RAI14: variants seen among roughly 807,000 people sequenced by gnomAD.
The protein encoded by RAI14 is ankycorbin.
Under a neutral mutation model 115.4 loss-of-function variants are expected in RAI14, and 45 were observed. The ratio of observed to expected loss-of-function variants is 0.39; its 90% CI spans 0.31 to 0.50. The LOEUF (loss-of-function observed/expected upper bound fraction) is 0.50. Among genes scored for constraint, RAI14 ranks in the 20% least tolerant of loss-of-function variants. The pLI, the probability that RAI14 is intolerant of heterozygous loss-of-function variation, is 0.85. For missense variants in RAI14, 939 were observed against 1,131.2 expected, an observed-to-expected ratio of 0.83 and a Z score of 2.44; for synonymous variants, 371 against 415.4, an observed-to-expected ratio of 0.89 and a Z score of 1.30.
At chr5:34,734,341 T>C (rs1580072088) in intron 2 of RAI14, among the ~76,000 whole-genome samples, 1 of 152,324 alleles carries the variant, frequency 6.6e-6, no homozygotes, top group East Asian at 1.9e-4. Context: ...TCTAGGAAGC[T>C]GGTATTAGCA....
rs748984859 is a variant in RAI14, at chr5:34,766,374, T to C, written c.167+8776T>C. On this transcript the variant is annotated intron_variant, in intron 3 of 17. Transcript: ENST00000265109. ...CACTGCAAAGCCACAGGGGCGGAGCTGCACAAGACCATGGGAGCCCACCTC... is the reference window on the plus strand; with the variant it reads ...CACTGCAAAGCCACAGGGGCGGAGCCGCACAAGACCATGGGAGCCCACCTC... Among the ~76,000 whole-genome samples, 58 of 152,276 alleles carry C rather than the reference T, an allele frequency of 3.8e-4. 1 individual carries two copies. The highest frequency in any genetic ancestry group is 1.0e-3 in the South Asian group (5 of 4,820).
At chr5:34,829,941 C>T in intron 17 of RAI14, 144 bp downstream of exon 17, 3 of 675,244 alleles carry the variant, frequency 4.4e-6, no homozygotes, top group South Asian at 2.1e-5. Flanking sequence ...ATGCCTTTTG[C>T]ATTGCTTTGG....
At chr5:34,781,774 C>G (rs1751679110) in intron 3 of RAI14, among the ~76,000 whole-genome samples, 2 of 152,198 alleles carry the variant, frequency 1.3e-5, no homozygotes, top group Non-Finnish European at 2.9e-5. Context: ...TGTGTCTACA[C>G]TTGCTGAGAC....
intron 3 of RAI14, among the ~76,000 whole-genome samples, chr5:34,768,441 A>G (rs1033235009): frequency 3.9e-5 from 6 of 152,296 alleles, no homozygotes; most frequent in South Asian, 2.1e-4. Flanking sequence ...GATCTCGTCA[A>G]TTTCCATCAG....
At chr5:34,756,344 T>C (rs1747873310) in intron 2 of RAI14, among the ~76,000 whole-genome samples, 1 of 152,172 alleles carries the variant, frequency 6.6e-6, no homozygotes, top group Non-Finnish European at 1.5e-5. Flanking sequence ...ATCGTAAAGC[T>C]GTTAATACGA....
chr5:34,696,476 A>C (rs1739251142), intron 2 of RAI14, among the ~76,000 whole-genome samples: 1 of 152,182 alleles, frequency 6.6e-6, no homozygotes, highest in Admixed American at 6.5e-5. Flanking sequence ...AAGGTGCACA[A>C]ATCATTGCCC....
chr5:34,665,178 C>CATATATGTATATAT lies in RAI14; in HGVS notation c.-49+8709_-49+8710insGTATATATATATAT, dbSNP rs1554037638. ...GTGTGTGTATATATATATATACACA[C>CATATATGTATATAT]ATATATATATGTATATATATACACA... On this transcript the variant is annotated intron_variant, in intron 1 of 17. Transcript: ENST00000265109. Among the ~76,000 whole-genome samples, 17 of 7,080 alleles carry CATATATGTATATAT rather than the reference C, an allele frequency of 2.4e-3. 2 individuals are homozygous for CATATATGTATATAT. The highest frequency in any genetic ancestry group is 0.062 in the Middle Eastern group (1 of 16). The allele number at this position is 7,080 out of a possible 152,430, so 4.6% of individuals were successfully genotyped here. A position where few individuals can be genotyped will look rare whatever the true frequency, so the allele number is the denominator to read the frequency against.
intron 2 of RAI14, among the ~76,000 whole-genome samples, chr5:34,731,599 T>G (rs1744188387): frequency 6.6e-6 from 1 of 152,180 alleles, no homozygotes; most frequent in Non-Finnish European, 1.5e-5. Context: ...TTTTTCTGTT[T>G]CCCAGTTCCT....
chr5:34,699,101 ATGAAAGGTGAGATCTCTT>A (rs945226038), intron 2 of RAI14, among the ~76,000 whole-genome samples: 10 of 152,228 alleles, frequency 6.6e-5, no homozygotes, highest in African/African-American at 2.2e-4. Context: ...ACTAGAAAAC[ATGAAAGGTGAGATCTCTT>A]TGATTAAACA....
At chr5:34,796,830 A>C (rs1753596814) in intron 4 of RAI14, among the ~76,000 whole-genome samples, 1 of 152,122 alleles carries the variant, frequency 6.6e-6, no homozygotes, top group Non-Finnish European at 1.5e-5. Context: ...ACACACACAC[A>C]CAAACACACA....
chr5:34,730,868 A>T (rs1457893993), intron 2 of RAI14, among the ~76,000 whole-genome samples: 2 of 152,184 alleles, frequency 1.3e-5, no homozygotes, highest in Non-Finnish European at 2.9e-5. Context: ...CTGTAATCCC[A>T]GCTACTCTGG....
intron 7 of RAI14, 41 bp from the exon 8 acceptor site, chr5:34,810,971 T>G: frequency 6.2e-7 from 1 of 1,608,628 alleles, no homozygotes; most frequent in Non-Finnish European, 8.5e-7. Flanking sequence ...TTCTGGCATT[T>G]TGTGCCTGAG....
At chr5:34,807,726 C>T (rs973768062) in intron 5 of RAI14, 74 bp from the exon 6 acceptor site, 8 of 1,148,380 alleles carry the variant, frequency 7.0e-6, no homozygotes, top group Admixed American at 3.4e-5. Context: ...TCATACCTTG[C>T]AGGAAAAGTC....
At chr5:34,800,902 A>G (rs1404624564) in intron 4 of RAI14, among the ~76,000 whole-genome samples, 1 of 152,210 alleles carries the variant, frequency 6.6e-6, no homozygotes, top group Non-Finnish European at 1.5e-5. Context: ...AACGGTCTCC[A>G]TCTTACAATC....
chr5:34,782,784 G>C (rs147112726), intron 3 of RAI14, among the ~76,000 whole-genome samples: 1 of 152,098 alleles, frequency 6.6e-6, no homozygotes, highest in South Asian at 2.1e-4. Context: ...GTTCAGACCA[G>C]CTGAACATAG....
intron 4 of RAI14, among the ~76,000 whole-genome samples, chr5:34,801,736 TA>T (rs11451518): frequency 3.4e-5 from 5 of 148,270 alleles, no homozygotes; most frequent in African/African-American, 5.0e-5. Context: ...TAAGACTTTC[TA>T]AAAAAAAAAA....
intron 2 of RAI14, chr5:34,687,813 A>G (rs960751441): frequency 1.4e-6 from 2 of 1,437,278 alleles, no homozygotes; most frequent in African/African-American, 2.8e-5. Context: ...GCCGTGAATT[A>G]TATTTTGACA....
intron 2 of RAI14, among the ~76,000 whole-genome samples, chr5:34,693,054 A>G (rs1738825439): frequency 6.6e-6 from 1 of 152,072 alleles, no homozygotes; most frequent in African/African-American, 2.4e-5. Flanking sequence ...CCCTCTGTGC[A>G]TGTGTCTGTG....
chr5:34,785,353 C>A (rs993278127), intron 3 of RAI14, among the ~76,000 whole-genome samples: 3 of 152,008 alleles, frequency 2.0e-5, no homozygotes, highest in African/African-American at 7.3e-5. Flanking sequence ...AGGGACATAC[C>A]CCGTTTCATG....
Sources: allele counts gnomAD v4.1 joint callset (sites outside exome capture counted in the v4.1 genomes callset), GRCh38; gene constraint gnomAD v4.1.1; transcripts MANE v1.5; gene names NCBI Gene and HGNC (gene_info 2026-07-23, HGNC 2026-07-21).